SYNRG: variants seen among roughly 807,000 people sequenced by gnomAD.
The protein encoded by SYNRG is AP1 gamma subunit binding protein 1.
Under a neutral mutation model 130.9 loss-of-function variants are expected in SYNRG, and 37 were observed. The observed-to-expected ratio is 0.28, with a 90% confidence interval of 0.22 to 0.37. The LOEUF (loss-of-function observed/expected upper bound fraction) is 0.37, where lower values mean the gene tolerates loss of function less well. Ranked by LOEUF, SYNRG falls within the 10% of genes least tolerant of loss-of-function variation. SYNRG has a pLI of 1.00. For missense variants in SYNRG, 1,338 were observed against 1,588.9 expected (o/e 0.84, Z 2.68); for synonymous variants, 539 against 568.1 (o/e 0.95, Z 0.73).
intron 14 of SYNRG, among the ~76,000 whole-genome samples, chr17:37,548,920 A>C (rs1362278807): frequency 6.6e-6 from 1 of 151,896 alleles, no homozygotes; most frequent in African/African-American, 2.4e-5. Flanking sequence ...GGATTACCTG[A>C]GGTCAGGAGT....
At chr17:37,593,039 C>T (rs2062344577) in intron 3 of SYNRG, among the ~76,000 whole-genome samples, 1 of 152,036 alleles carries the variant, frequency 6.6e-6, no homozygotes, top group South Asian at 2.1e-4. Flanking sequence ...ATGTATTGTA[C>T]ATCATGAGGA....
chr17:37,527,237 G>T (rs1286285970), intron 19 of SYNRG, among the ~76,000 whole-genome samples: 1 of 152,102 alleles, frequency 6.6e-6, no homozygotes, highest in African/African-American at 2.4e-5. Context: ...ATTTTATATG[G>T]CAAAAATCGA....
intron 13 of SYNRG, among the ~76,000 whole-genome samples, chr17:37,554,638 C>T (rs930221832): frequency 6.6e-6 from 1 of 152,096 alleles, no homozygotes; most frequent in African/African-American, 2.4e-5. Flanking sequence ...TTGAAGGGAA[C>T]TTTGATGAAA....
chr17:37,586,404 C>G lies in SYNRG; in HGVS notation c.371+15G>C. The G allele has an allele frequency of 6.2e-7, 1 of 1,613,626 alleles. No individual in the cohort carries two copies. The highest frequency in any genetic ancestry group is 8.5e-7 in the Non-Finnish European group (1 of 1,179,792). ...AATGTATCTTTGTTATCCTTTAATT[C>G]TGGTGATCTCTTACTGCTGCTCTTC... is the stretch of plus-strand genomic sequence containing the variant. On this transcript the variant is annotated intron_variant, in intron 4 of 21. Coordinates refer to ENST00000612223, the MANE Select transcript of SYNRG (RefSeq NM_007247.6).
intron 19 of SYNRG, among the ~76,000 whole-genome samples, chr17:37,520,898 G>A (rs569454522): frequency 1.8e-4 from 27 of 152,162 alleles, no homozygotes; most frequent in Admixed American, 5.2e-4. Flanking sequence ...AGGGGAGCCC[G>A]TGCAGTGCCA....
At chr17:37,571,233 A>G in intron 9 of SYNRG, among the ~76,000 whole-genome samples, 1 of 152,216 alleles carries the variant, frequency 6.6e-6, no homozygotes, top group Admixed American at 6.5e-5. Flanking sequence ...ATTTCAAAAC[A>G]CAGAGTAATT....
chr17:37,547,715 C>T (rs1298374531), intron 14 of SYNRG, among the ~76,000 whole-genome samples: 1 of 152,002 alleles, frequency 6.6e-6, no homozygotes. Context: ...CGCCTGCCTT[C>T]GCCTCCCAAA....
chr17:37,544,045 A>G (rs188034885), intron 14 of SYNRG, among the ~76,000 whole-genome samples: 1 of 152,372 alleles, frequency 6.6e-6, no homozygotes, highest in Admixed American at 6.5e-5. Context: ...GCAATACTGC[A>G]TAATTTATGA....
In SYNRG at chr17:37,542,348, T is replaced by C. The variant is rs1423468365; in HGVS notation, c.2826A>G (p.Thr942=). The change falls in exon 15 of 22, where the codon ACA becomes ACG. Residue 942 remains threonine, a synonymous_variant. Transcript: ENST00000612223. ...CAAAGGTCGTTACTTTGGAGAGAGA[T>C]GTCATGGTGATGTTTTCAGAACTGC... ...SFGSSENITM[T]SLSKVTTFVS... 6.2e-7 allele frequency: 1 copy of C among 1,614,192 alleles called. No individual in the cohort carries two copies. Among genetic ancestry groups the C allele is most frequent in the Non-Finnish European group, 8.5e-7 (1 of 1,180,038 alleles).
At chr17:37,519,298 G>C (rs2054689657) in intron 21 of SYNRG, among the ~76,000 whole-genome samples, 1 of 152,210 alleles carries the variant, frequency 6.6e-6, no homozygotes, top group Admixed American at 6.5e-5. Context: ...AGCAAAAGGT[G>C]GCCAAATCTT....
intron 2 of SYNRG, among the ~76,000 whole-genome samples, chr17:37,599,508 C>T (rs1327209151): frequency 1.3e-5 from 2 of 152,120 alleles, no homozygotes; most frequent in African/African-American, 2.4e-5. Context: ...ATCGCTTAAG[C>T]CGAGGAATTT....
In SYNRG at chr17:37,520,578, G is replaced by A. The variant is rs970895655; in HGVS notation, c.3737C>T (p.Ala1246Val). Residue 1246 changes from alanine to valine, a missense_variant, in exon 20 of 22, where the codon GCC becomes GTC. Ala to Val is a moderately conservative substitution (Grantham distance 64). Coordinates refer to ENST00000612223, the MANE Select transcript of SYNRG (RefSeq NM_007247.6). ...RPGIKNAQEL[A>V]CGVCLLNVDS... is the part of the protein sequence containing the mutation. Reference sequence around the variant, plus strand: ...CACATTCAAGAGGCACACTCCACAGGCAAGCTCCTGAGCATTTTTAATCCC... The same window carrying A: ...CACATTCAAGAGGCACACTCCACAGACAAGCTCCTGAGCATTTTTAATCCC... 10 of 1,614,042 alleles carry A rather than the reference G, an allele frequency of 6.2e-6. No individual in the cohort carries two copies. The highest frequency in any genetic ancestry group is 8.5e-6 in the Non-Finnish European group (10 of 1,180,034).
At chr17:37,522,797 C>T (rs914759570) in intron 19 of SYNRG, among the ~76,000 whole-genome samples, 1 of 152,106 alleles carries the variant, frequency 6.6e-6, no homozygotes, top group African/African-American at 2.4e-5. Flanking sequence ...TGCACCACCA[C>T]ACCTGGCTAA....
At chr17:37,571,739 T>A in intron 9 of SYNRG, 52 bp downstream of exon 9, 1 of 1,513,054 alleles carries the variant, frequency 6.6e-7, no homozygotes, top group Non-Finnish European at 9.0e-7. Context: ...TTCATATCCT[T>A]GCAATTTATA....
At chr17:37,554,113 A>G in intron 13 of SYNRG, 54 bp from the exon 14 acceptor site, 1 of 1,500,076 alleles carries the variant, frequency 6.7e-7, no homozygotes, top group African/African-American at 1.4e-5. Flanking sequence ...AAAACCATAT[A>G]ATACACAGTA....
At chr17:37,603,342 AAAT>A (rs932111594) in intron 1 of SYNRG, among the ~76,000 whole-genome samples, 4 of 152,134 alleles carry the variant, frequency 2.6e-5, no homozygotes, top group Non-Finnish European at 4.4e-5. Context: ...CATCTCTCCA[AAAT>A]AATAATAATA....
At chr17:37,533,898 A>T (rs1176809387) in intron 19 of SYNRG, among the ~76,000 whole-genome samples, 8 of 149,012 alleles carry the variant, frequency 5.4e-5, no homozygotes, top group African/African-American at 2.0e-4. Context: ...AACAAAAAAA[A>T]TAAGGTTTCT....
chr17:37,541,623 G>T, intron 15 of SYNRG: 1 of 268,850 alleles, frequency 3.7e-6, no homozygotes. Flanking sequence ...TGGATTAAAA[G>T]ACATTATCTG....
chr17:37,566,062 C>T (rs1393202120), intron 11 of SYNRG, among the ~76,000 whole-genome samples: 2 of 151,134 alleles, frequency 1.3e-5, no homozygotes, highest in Admixed American at 1.3e-4. Flanking sequence ...AGGTGAGGGG[C>T]GCCTCTGCCC....
Sources: allele counts gnomAD v4.1 joint callset (sites outside exome capture counted in the v4.1 genomes callset), GRCh38; gene constraint gnomAD v4.1.1; transcripts MANE v1.5; gene names NCBI Gene and HGNC (gene_info 2026-07-23, HGNC 2026-07-21).